Variants in MACO1 observed in about 807,000 individuals in gnomAD.
MACO1 encodes macoilin.
MACO1 carries 14 observed loss-of-function variants against 78.7 expected under a neutral mutation model. The ratio of observed to expected loss-of-function variants is 0.18; its 90% CI spans 0.12 to 0.28. The LOEUF (loss-of-function observed/expected upper bound fraction) is 0.28. Among genes scored for constraint, MACO1 ranks in the 10% least tolerant of loss-of-function variants. MACO1 has a pLI of 1.00. For missense variants in MACO1, 501 were observed against 799.0 expected (o/e 0.63, Z 4.50); for synonymous variants, 288 against 291.6 (o/e 0.99, Z 0.12).
intron 6 of MACO1, among the ~76,000 whole-genome samples, chr1:25,463,671 C>T (rs776232662): frequency 3.3e-5 from 5 of 151,984 alleles, no homozygotes; most frequent in Admixed American, 2.0e-4. Context: ...AATTTTTCCT[C>T]AGTGGTCAAT....
rs1347071990 is a variant in MACO1, at chr1:25,484,238, G to A, written c.1277G>A (p.Gly426Asp). 2 of 1,613,068 alleles carry A rather than the reference G, an allele frequency of 1.2e-6. No homozygotes were observed. Among genetic ancestry groups the A allele is most frequent in the African/African-American group, 2.7e-5 (2 of 74,868 alleles). The stretch of plus-strand genomic sequence containing the variant: ...GAGCGAGGGATCCGCTCAGAAATGG[G>A]CCAGCTTCGGCAGGAGAACGAGCTG... ...STERGIRSEM[G>D]QLRQENELLQ... Residue 426 changes from glycine to aspartate, a missense_variant, in exon 7 of 11, where the codon GGC (glycine) becomes GAC (aspartate). Transcript: ENST00000374343.
intron 6 of MACO1, among the ~76,000 whole-genome samples, chr1:25,462,745 C>A (rs146670348): frequency 2.9e-3 from 184 of 64,326 alleles, no homozygotes; most frequent in African/African-American, 6.7e-3. Flanking sequence ...TCTTATAGCT[C>A]GGTTTGGCTG....
At chr1:25,452,606 A>G (rs1440646957) in intron 3 of MACO1, among the ~76,000 whole-genome samples, 2 of 151,858 alleles carry the variant, frequency 1.3e-5, no homozygotes, top group African/African-American at 4.8e-5. Flanking sequence ...CCTTCAACAT[A>G]TTTCATTATA....
chr1:25,469,131 C>T (rs1026839601), intron 6 of MACO1, among the ~76,000 whole-genome samples: 1 of 152,138 alleles, frequency 6.6e-6, no homozygotes, highest in African/African-American at 2.4e-5. Context: ...GCGTGAGCCA[C>T]CACACCTGGC....
At chr1:25,484,022 C>G in intron 6 of MACO1, 94 bp from the exon 7 acceptor site, 1 of 1,309,276 alleles carries the variant, frequency 7.6e-7, no homozygotes, top group Middle Eastern at 2.2e-4. Flanking sequence ...CTTTTTCTGC[C>G]ATTCACCCAG....
At chr1:25,461,955 A>T (rs1359387596) in intron 6 of MACO1, among the ~76,000 whole-genome samples, 1 of 152,358 alleles carries the variant, frequency 6.6e-6, no homozygotes. Flanking sequence ...CAGATTATCC[A>T]GCTTGGTTGG....
chr1:25,432,228 T>G (rs1215299709), intron 1 of MACO1, among the ~76,000 whole-genome samples: 8 of 152,214 alleles, frequency 5.3e-5, no homozygotes, highest in South Asian at 2.1e-4. Context: ...TCAAGAAATA[T>G]GTGAGGTAGC....
chr1:25,465,064 C>T (rs746877349), intron 6 of MACO1, among the ~76,000 whole-genome samples: 6 of 151,650 alleles, frequency 4.0e-5, no homozygotes, highest in Admixed American at 2.0e-4. Context: ...CAACCTGCCT[C>T]GGCCTCCCAA....
chr1:25,475,045 T>TA (rs1233814144), intron 6 of MACO1, among the ~76,000 whole-genome samples: 2 of 152,164 alleles, frequency 1.3e-5, no homozygotes, highest in Non-Finnish European at 2.9e-5. Context: ...GAGGTAGATT[T>TA]AAAAACTGAG....
Position 25,458,711 on chromosome 1 carries a change from G to A in MACO1, c.973G>A (p.Ala325Thr), listed in dbSNP as rs747029538. 4.3e-6 allele frequency: 7 copies of A among 1,614,058 alleles called. No homozygotes were observed. In the Admixed American group the frequency reaches 8.3e-5, roughly 19 times the overall value. Reference protein sequence around the residue: ...CTASSKNYKNASGVVNSSPRS... With the variant: ...CTASSKNYKNTSGVVNSSPRS... ...TGCTTCCTCAAAAAATTACAAAAAT[G>A]CCAGTGGAGTTGTGAACTCTTCACC... Residue 325 changes from alanine (A) to threonine (T), a missense_variant, in exon 6 of 11, where the codon GCC becomes ACC. This residue lies in a region of MACO1 where 163 missense variants were observed against 271.9 expected (regional missense o/e 0.60). Transcript: ENST00000374343.
At position 25,484,127 on chromosome 1, in the gene MACO1, A is replaced by G; in HGVS notation, c.1166A>G (p.Asp389Gly). 6.2e-7 allele frequency: 1 copy of G among 1,611,238 alleles called. No individual in the cohort carries two copies. Among genetic ancestry groups the G allele is most frequent in the Non-Finnish European group, 8.5e-7 (1 of 1,179,130 alleles). ...TCTCATTCTCCTAGGCTGGAACAAG[A>G]CATTAAAAAGTTAAAGGCTGACCTG... Reference protein sequence around the residue: ...KPDALVRLEQDIKKLKADLQA... With the variant: ...KPDALVRLEQGIKKLKADLQA... Residue 389 changes from aspartate to glycine, a missense_variant, in exon 7 of 11, where the codon GAC (aspartate) becomes GGC (glycine). Coordinates refer to ENST00000374343, the MANE Select transcript of MACO1 (RefSeq NM_018202.6).
rs1206509528 is a variant in MACO1 at position 25,474,578 on chromosome 1, C to T, written c.1155-9538C>T. Among the ~76,000 whole-genome samples, 6 of 152,126 alleles carry T rather than the reference C, an allele frequency of 3.9e-5. 1 individual carries two copies. Among genetic ancestry groups the T allele is most frequent in the African/African-American group, 1.4e-4 (6 of 41,420 alleles). ...CACCACTCCCTTTACTGTTAAATTCCCACACCTGACTGTGAGGCTTTCATA... is the reference window on the plus strand; with the variant it reads ...CACCACTCCCTTTACTGTTAAATTCTCACACCTGACTGTGAGGCTTTCATA... On this transcript the variant is annotated intron_variant, in intron 6 of 10. Transcript: ENST00000374343.
chr1:25,481,094 A>G (rs2043373407), intron 6 of MACO1, among the ~76,000 whole-genome samples: 1 of 151,672 alleles, frequency 6.6e-6, no homozygotes, highest in African/African-American at 2.4e-5. Flanking sequence ...TTCGCTCAGA[A>G]TAAATATTGT....
intron 6 of MACO1, among the ~76,000 whole-genome samples, chr1:25,479,629 G>A (rs1053453507): frequency 2.0e-5 from 3 of 151,962 alleles, no homozygotes; most frequent in Non-Finnish European, 2.9e-5. Flanking sequence ...GGTTGGTCTC[G>A]AACTCTTGAC....
chr1:25,438,589 A>G (rs1373235361), intron 1 of MACO1, among the ~76,000 whole-genome samples: 1 of 152,238 alleles, frequency 6.6e-6, no homozygotes, highest in African/African-American at 2.4e-5. Context: ...GCTAAAATGG[A>G]TAAGGGAAAT....
chr1:25,448,021 G>A (rs977758466), intron 2 of MACO1, among the ~76,000 whole-genome samples: 4 of 152,040 alleles, frequency 2.6e-5, no homozygotes, highest in Admixed American at 1.3e-4. Flanking sequence ...TATTAGTTTG[G>A]TGCAATTACT....
rs1166804493 is a variant in MACO1 at position 25,491,510 on chromosome 1, G to A, written c.1718G>A (p.Ser573Asn). 1 of 1,614,266 alleles carries A rather than the reference G, an allele frequency of 6.2e-7. No homozygotes were observed. Among genetic ancestry groups the A allele is most frequent in the Non-Finnish European group, 8.5e-7 (1 of 1,180,042 alleles). The change falls in exon 10 of 11, where the codon AGT (serine) becomes AAT (asparagine). Residue 573 changes from serine (S) to asparagine (N), a missense_variant. By Grantham distance (46) the Ser-to-Asn change is conservative (BLOSUM62 1). Around this residue, in one of 5 missense-constraint regions of MACO1, gnomAD observed 11 missense variants for 47.7 expected, o/e 0.23. Coordinates refer to ENST00000374343, the MANE Select transcript of MACO1 (RefSeq NM_018202.6). ...DKTQHLENSL[S>N]AETRIKLDLF... ...ACACAGCACCTGGAGAACAGCTTAAGTGCAGAGACGAGAATCAAGCTGGAC... is the reference window on the plus strand; with the variant it reads ...ACACAGCACCTGGAGAACAGCTTAAATGCAGAGACGAGAATCAAGCTGGAC...
intron 6 of MACO1, among the ~76,000 whole-genome samples, chr1:25,472,714 G>C (rs1436966221): frequency 6.6e-6 from 1 of 152,086 alleles, no homozygotes; most frequent in Admixed American, 6.5e-5. Context: ...GGCTTTGGGG[G>C]TTCCCCTAGC....
chr1:25,484,396 T>G, intron 7 of MACO1, 122 bp downstream of exon 7: 2 of 978,896 alleles, frequency 2.0e-6, no homozygotes, highest in Non-Finnish European at 2.8e-6. Context: ...TTAAATAAAA[T>G]GTTTAAAATA....
Sources: gnomAD v4.1 joint callset for allele counts (sites outside exome capture counted in the v4.1 genomes callset) on GRCh38, gnomAD v4.1.1 for gene constraint, gnomAD v4.1.1 regional missense constraint, MANE v1.5 for transcripts, NCBI Gene and HGNC (gene_info 2026-07-23, HGNC 2026-07-21) for gene names.